Variants in PPOX observed in about 807,000 individuals in gnomAD.
PPOX encodes the protein protoporphyrinogen oxidase.
Under a neutral mutation model 54.1 loss-of-function variants are expected in PPOX, and 23 were observed. That is an observed-to-expected ratio of 0.43 (90% CI 0.31 to 0.60). The LOEUF is 0.60. Among genes scored for constraint, PPOX ranks in the 20% least tolerant of loss-of-function variants. PPOX has a pLI of 0.13. For missense variants in PPOX, 512 were observed against 601.1 expected (o/e 0.85, Z 1.55); for synonymous variants, 224 against 236.1 (o/e 0.95, Z 0.47).
chr1:161,166,473 A>T lies in PPOX; in HGVS notation c.-208A>T. 1 of 1,246,410 alleles carries T rather than the reference A, an allele frequency of 8.0e-7. No individual in the cohort carries two copies. The highest frequency in any genetic ancestry group is 1.0e-6 in the Non-Finnish European group (1 of 982,004). The allele number at this position is 1,246,410 out of a possible 1,614,324, so 77.2% of individuals were successfully genotyped here. A position where few individuals can be genotyped will look rare whatever the true frequency, so the allele number is the denominator to read the frequency against. The stretch of plus-strand genomic sequence containing the variant: ...AAAAGGCTGGGGGTGGGAGTAGCGG[A>T]TTTGAAGCACTTGTTGGCCTACAGA... On this transcript the variant is annotated 5_prime_UTR_variant, in exon 1 of 13. Coordinates refer to ENST00000367999, the MANE Select transcript of PPOX (RefSeq NM_001122764.3).
At chr1:161,171,357 C>T, downstream of PPOX, 1 of 1,092,772 alleles carries the variant, frequency 9.2e-7, no homozygotes. Context: ...TCCCAGCCCC[C>T]TGAGCCAGGA....
chr1:161,173,591 G>T (rs778575596), downstream of PPOX: 5 of 1,613,452 alleles, frequency 3.1e-6, no homozygotes, highest in Non-Finnish European at 4.2e-6. Flanking sequence ...GGAGGAAGTG[G>T]CAGGAAGTCT....
chr1:161,175,628 A>AATTC (rs543100183), downstream of PPOX, among the ~76,000 whole-genome samples: 104 of 152,184 alleles, frequency 6.8e-4, no homozygotes, highest in African/African-American at 2.4e-3. Flanking sequence ...CTAAACTCCC[A>AATTC]ATTCAGAGTC....
At chr1:161,172,474 A>G, downstream of PPOX, 1 of 689,026 alleles carries the variant, frequency 1.5e-6, no homozygotes, top group Non-Finnish European at 2.4e-6. Flanking sequence ...TCAAACAGAA[A>G]GAAGGAAATG....
At chr1:161,166,275 C>A (rs190518462), upstream of PPOX, 562 of 1,007,196 alleles carry the variant, frequency 5.6e-4, no homozygotes, top group African/African-American at 5.0e-3. Context: ...CAGCTCGGCG[C>A]TAACACGGTT....
chr1:161,172,447 A>G (rs1661801458), downstream of PPOX: 2 of 859,706 alleles, frequency 2.3e-6, no homozygotes, highest in Non-Finnish European at 3.5e-6. Flanking sequence ...AAAGAAAAAA[A>G]AAGCCCAGGA....
At chr1:161,175,343 G>T, downstream of PPOX, 3 of 904,094 alleles carry the variant, frequency 3.3e-6, no homozygotes, top group Non-Finnish European at 3.4e-6. Flanking sequence ...TAGTTCTCAG[G>T]GCTCACTCAG....
downstream of PPOX, chr1:161,174,179 A>G (rs11265561): frequency 0.37 from 336,914 of 907,522 alleles, 63,610 homozygotes; most frequent in East Asian, 0.47. Context: ...AGGCCAAGGC[A>G]GGCAGATCAC....
downstream of PPOX, among the ~76,000 whole-genome samples, chr1:161,174,682 CAG>C (rs1242298276): frequency 6.6e-6 from 1 of 152,162 alleles, no homozygotes; most frequent in Non-Finnish European, 1.5e-5. Flanking sequence ...GTATCTTGCT[CAG>C]AGTCATACAT....
At chr1:161,171,313 G>A (rs1043484446), downstream of PPOX, 12 of 1,396,818 alleles carry the variant, frequency 8.6e-6, no homozygotes, top group African/African-American at 4.3e-5. Context: ...GAGCAGATGC[G>A]AGACAAAGTC....
At chr1:161,171,013 C>T (rs780975548) in intron 12 of PPOX, 21 bp from the exon 13 acceptor site, 2 of 1,614,178 alleles carry the variant, frequency 1.2e-6, no homozygotes, top group Non-Finnish European at 1.7e-6. Context: ...CTAAAACATT[C>T]CTTTCATCCT....
chr1:161,170,843 A>G (rs1451936034), intron 11 of PPOX, 64 bp from the exon 12 acceptor site: 27 of 1,613,536 alleles, frequency 1.7e-5, no homozygotes, highest in Non-Finnish European at 2.0e-5. Flanking sequence ...TTGTCACTGT[A>G]TGTCAGCCAA....
intron 6 of PPOX, 66 bp downstream of exon 6, chr1:161,168,642 G>A (rs1659986031): frequency 1.3e-6 from 2 of 1,576,092 alleles, no homozygotes; most frequent in Admixed American, 3.3e-5. Flanking sequence ...GTGGGGACAA[G>A]GGGTGCTATT....
Position 161,166,700 on chromosome 1 carries a change from T to G in PPOX, c.-9+28T>G. ...GAGTCCTGGCCCCTGGACGGGGACC[T>G]CGCTGTTCCACCAGCCCATCCGTGC... On this transcript the variant is annotated intron_variant, in intron 1 of 12. Transcript: ENST00000367999. 2.6e-6 allele frequency: 4 copies of G among 1,526,918 alleles called. No homozygotes were observed. In the South Asian group the frequency reaches 3.6e-5, roughly 14 times the overall value. 94.6% of individuals were successfully genotyped at this position (1,526,918 alleles called of 1,614,324 possible).
downstream of PPOX, chr1:161,175,755 CCT>C (rs556430963): frequency 2.3e-4 from 372 of 1,594,618 alleles, no homozygotes; most frequent in African/African-American, 4.5e-3. Context: ...CCCAAGCCTC[CCT>C]GTCTCCGCAC....
chr1:161,176,027 G>C (rs2101974918), downstream of PPOX: 1 of 1,614,036 alleles, frequency 6.2e-7, no homozygotes, highest in East Asian at 2.2e-5. Context: ...AGCAGGGCCA[G>C]CGTGCAAGGC....
downstream of PPOX, chr1:161,173,779 C>G: frequency 1.9e-6 from 3 of 1,611,982 alleles, no homozygotes; most frequent in Non-Finnish European, 2.5e-6. Context: ...GACACATCCC[C>G]AACCACAATC....
chr1:161,171,260 G>A (rs1371644474), downstream of PPOX: 42 of 1,605,354 alleles, frequency 2.6e-5, 1 homozygote, highest in South Asian at 1.2e-4. Flanking sequence ...ATAAGAATGC[G>A]GGGCAGCAAA....
chr1:161,165,750 AG>A (rs1264576742), upstream of PPOX: 1 of 262,238 alleles, frequency 3.8e-6, no homozygotes, highest in Non-Finnish European at 7.4e-6. Context: ...ATTTTTGCTT[AG>A]GGGGTGATAG....
Sources: gnomAD v4.1 joint callset for allele counts (sites outside exome capture counted in the v4.1 genomes callset) on GRCh38, gnomAD v4.1.1 for gene constraint, MANE v1.5 for transcripts, NCBI Gene and HGNC (gene_info 2026-07-23, HGNC 2026-07-21) for gene names.